The following PCDHGA12 variants were observed in gnomAD, a reference collection of about 807,000 sequenced individuals.
The protein encoded by PCDHGA12 is protocadherin gamma subfamily A, 12.
A neutral mutation model predicts 61.1 loss-of-function variants in PCDHGA12; 43 were observed. The ratio of observed to expected loss-of-function variants is 0.70; its 90% CI spans 0.55 to 0.91. The LOEUF (loss-of-function observed/expected upper bound fraction) is 0.91, where lower values mean the gene tolerates loss of function less well. Ranked by LOEUF, PCDHGA12 falls within the 40% of genes least tolerant of loss-of-function variation. The pLI, the probability that PCDHGA12 is intolerant of heterozygous loss-of-function variation, is 0.00. For synonymous variants in PCDHGA12, 520 were observed against 542.9 expected, an observed-to-expected ratio of 0.96 and a Z score of 0.59; for missense variants, 1,236 against 1,227.7, an observed-to-expected ratio of 1.01 and a Z score of -0.10.
rs1368632691 is a variant in PCDHGA12 at position 141,485,071 on chromosome 5, C to A, written c.2425-9736C>A. ...GCCGGCCGAACCGCGCCAGAGCTGG[C>A]GCGGGGAAAGGGAGATAGGTGTCTC... On this transcript the variant is annotated intron_variant, in intron 1 of 3. Coordinates refer to ENST00000252085, the MANE Select transcript of PCDHGA12 (RefSeq NM_003735.3). This position sits in a 1 kb window ranked among gnomAD's most constrained non-coding sequence, Gnocchi z 5.7. 3.3e-6 allele frequency: 3 copies of A among 913,030 alleles called. No individual in the cohort carries two copies. Among genetic ancestry groups the A allele is most frequent in the Non-Finnish European group, 5.1e-6 (3 of 584,604 alleles). 56.6% of individuals were successfully genotyped at this position (913,030 alleles called of 1,614,324 possible).
At chr5:141,501,355 A>G (rs936121172) in intron 2 of PCDHGA12, among the ~76,000 whole-genome samples, 4 of 151,760 alleles carry the variant, frequency 2.6e-5, no homozygotes, top group African/African-American at 9.7e-5. Flanking sequence ...ATAGGGCAAG[A>G]ACCATATTCA....
At chr5:141,496,249 A>G (rs1385823714) in intron 2 of PCDHGA12, among the ~76,000 whole-genome samples, 1 of 152,078 alleles carries the variant, frequency 6.6e-6, no homozygotes, top group East Asian at 1.9e-4. Context: ...GCTGAAGGGG[A>G]GGGAAACTTC....
chr5:141,500,394 A>G (rs1024641290), intron 2 of PCDHGA12, among the ~76,000 whole-genome samples: 1 of 151,922 alleles, frequency 6.6e-6, no homozygotes, highest in Non-Finnish European at 1.5e-5. Flanking sequence ...TATTTTTAGT[A>G]GAGACGGGGT....
At chr5:141,469,306 A>G in intron 1 of PCDHGA12, among the ~76,000 whole-genome samples, 1 of 150,500 alleles carries the variant, frequency 6.6e-6, no homozygotes, top group South Asian at 2.1e-4. Flanking sequence ...ACTGGGCACG[A>G]TGGCTCACGC....
intron 1 of PCDHGA12, among the ~76,000 whole-genome samples, chr5:141,434,831 A>T (rs1328843764): frequency 6.6e-6 from 1 of 151,904 alleles, no homozygotes; most frequent in East Asian, 1.9e-4. Flanking sequence ...TACACTTGGC[A>T]TTTATAAAGC....
rs138463062 is a variant in PCDHGA12 at position 141,485,217 on chromosome 5, C to T, written c.2425-9590C>T. 7,893 of 1,614,092 alleles carry T rather than the reference C, an allele frequency of 4.9e-3. 42 individuals carry two copies. Among genetic ancestry groups the T allele is most frequent in the Admixed American group, 8.8e-3 (531 of 60,030 alleles). On this transcript the variant is annotated intron_variant, in intron 1 of 3. Coordinates refer to ENST00000252085, the MANE Select transcript of PCDHGA12 (RefSeq NM_003735.3). This position sits in a 1 kb window ranked among gnomAD's most constrained non-coding sequence, Gnocchi z 5.7. Reference sequence around the variant, plus strand: ...AGCTGGACAGAAATCTGGCGGTGGGCTACCCTTTTGTTCCTCTTTTACCAC... The same window carrying T: ...AGCTGGACAGAAATCTGGCGGTGGGTTACCCTTTTGTTCCTCTTTTACCAC...
intron 1 of PCDHGA12, among the ~76,000 whole-genome samples, chr5:141,439,422 A>C (rs1476209707): frequency 6.6e-6 from 1 of 152,188 alleles, no homozygotes; most frequent in Non-Finnish European, 1.5e-5. Context: ...TGAGGTTATA[A>C]ATTCCCAGGA....
chr5:141,500,184 T>TTTTATTTATTTATTTATTTA (rs58019021), intron 2 of PCDHGA12, among the ~76,000 whole-genome samples: 1 of 135,886 alleles, frequency 7.4e-6, no homozygotes, highest in African/African-American at 2.7e-5. Flanking sequence ...TCATTTTTAT[T>TTTTATTTATTTATTTATTTA]TTTATTTATT....
Position 141,430,751 on chromosome 5 carries a change from A to G in PCDHGA12, c.-9A>G. On this transcript the variant is annotated 5_prime_UTR_variant, in exon 1 of 4. Coordinates refer to ENST00000252085, the MANE Select transcript of PCDHGA12 (RefSeq NM_003735.3). ...GCAGAATTGAAAATAATTCTGGAGG[A>G]AGATAAGAATGATTCCTGCGCGACT... The G allele has an allele frequency of 6.7e-7, 1 of 1,496,066 alleles. No individual in the cohort carries two copies. Among genetic ancestry groups the G allele is most frequent in the Non-Finnish European group, 8.9e-7 (1 of 1,123,984 alleles). 92.7% of individuals were successfully genotyped at this position (1,496,066 alleles called of 1,614,324 possible).
rs766227340 is a variant in PCDHGA12, at chr5:141,476,791, C to T, written c.2425-18016C>T. On this transcript the variant is annotated intron_variant, in intron 1 of 3. Transcript: ENST00000252085. The surrounding 1 kb of genome is among the most constrained non-coding windows in gnomAD (Gnocchi z 7.6). ...TGGACGGAGGGACCCCAGCTCTCTCCGCCAGCCTGCCTATTCACATCAAGG... is the reference window on the plus strand; with the variant it reads ...TGGACGGAGGGACCCCAGCTCTCTCTGCCAGCCTGCCTATTCACATCAAGG... 5.6e-6 allele frequency: 9 copies of T among 1,613,394 alleles called. No homozygotes were observed. Among genetic ancestry groups the T allele is most frequent in the Middle Eastern group, 1.6e-4 (1 of 6,084 alleles).
Position 141,511,207 on chromosome 5 carries a change from T to A in PCDHGA12, c.*34T>A, listed in dbSNP as rs773761839. ...CCAGGCCAAGAGCCACAGGGCGGCC[T>A]CTCCCCAACCAGCCCAGCTTCTCCT... On this transcript the variant is annotated 3_prime_UTR_variant, in exon 4 of 4. Transcript: ENST00000252085. 1 of 1,611,162 alleles carries A rather than the reference T, an allele frequency of 6.2e-7. No individual in the cohort carries two copies. The highest frequency in any genetic ancestry group is 1.1e-5 in the South Asian group (1 of 90,702).
chr5:141,492,072 C>G (rs2099736816), intron 1 of PCDHGA12: 2 of 480,040 alleles, frequency 4.2e-6, no homozygotes, highest in East Asian at 3.3e-5. Context: ...TCCTAGGCGC[C>G]GGCTCCGGCA....
At chr5:141,496,733 C>T (rs1221912777) in intron 2 of PCDHGA12, among the ~76,000 whole-genome samples, 12 of 152,138 alleles carry the variant, frequency 7.9e-5, no homozygotes, top group African/African-American at 9.7e-5. Context: ...TGTATTCATT[C>T]GTTCATTTAT....
At chr5:141,441,325 T>C (rs961263461) in intron 1 of PCDHGA12, 1 of 152,192 alleles carries the variant, frequency 6.6e-6, no homozygotes, top group African/African-American at 2.4e-5. Flanking sequence ...AGAAAAATCT[T>C]CCTCCAATAA....
intron 2 of PCDHGA12, among the ~76,000 whole-genome samples, chr5:141,503,361 C>T (rs1021880248): frequency 6.6e-6 from 1 of 151,886 alleles, no homozygotes; most frequent in Non-Finnish European, 1.5e-5. Context: ...CTTTGGGAAG[C>T]GGAGGCAGGT....
In PCDHGA12 at chr5:141,489,126, T is replaced by C; in HGVS notation, c.2425-5681T>C. ...TGCAAGCAGGCAAACCTCCGAGCAG[T>C]TTTTAAGAGGCTGGAAGGAGACATA... On this transcript the variant is annotated intron_variant, in intron 1 of 3. Coordinates refer to ENST00000252085, the MANE Select transcript of PCDHGA12 (RefSeq NM_003735.3). This position sits in a 1 kb window ranked among gnomAD's most constrained non-coding sequence, Gnocchi z 4.5. 1.7e-6 allele frequency: 1 copy of C among 585,136 alleles called. No individual in the cohort carries two copies. Among genetic ancestry groups the C allele is most frequent in the South Asian group, 3.2e-5 (1 of 31,406 alleles). The allele number at this position is 585,136 out of a possible 1,614,324, so 36.2% of individuals were successfully genotyped here. A position where few individuals can be genotyped will look rare whatever the true frequency, so the allele number is the denominator to read the frequency against.
chr5:141,474,608 T>C (rs1469173973), intron 1 of PCDHGA12, among the ~76,000 whole-genome samples: 1 of 152,268 alleles, frequency 6.6e-6, no homozygotes, highest in Non-Finnish European at 1.5e-5. Flanking sequence ...AGGTCACATA[T>C]GGCTTTTCAT....
rs566049956 is a variant in PCDHGA12 at position 141,511,685 on chromosome 5, G to A, written c.*512G>A. 1.0e-5 allele frequency: 2 copies of A among 198,374 alleles called. No individual in the cohort carries two copies. Among genetic ancestry groups the A allele is most frequent in the Non-Finnish European group, 2.1e-5 (2 of 94,428 alleles). The allele number at this position is 198,374 out of a possible 1,614,324, so 12.3% of individuals were successfully genotyped here. On this transcript the variant is annotated 3_prime_UTR_variant, in exon 4 of 4. Coordinates refer to ENST00000252085, the MANE Select transcript of PCDHGA12 (RefSeq NM_003735.3). ...GATTCTCAATCTTCCCCCAAAGCAT[G>A]GTTTGGTGCCAGCCCCTTCACCTCC...
chr5:141,438,685 G>A (rs2098051190), intron 1 of PCDHGA12, among the ~76,000 whole-genome samples: 1 of 143,314 alleles, frequency 7.0e-6, no homozygotes, highest in Non-Finnish European at 1.5e-5. Context: ...GTAGGGGATG[G>A]AGTCTTGCTC....
Sources: allele counts gnomAD v4.1 joint callset (sites outside exome capture counted in the v4.1 genomes callset), GRCh38; gene constraint gnomAD v4.1.1; non-coding constraint Gnocchi (gnomAD v3.1); transcripts MANE v1.5; gene names NCBI Gene and HGNC (gene_info 2026-07-23, HGNC 2026-07-21).